TFRC: variants seen among roughly 807,000 people sequenced by gnomAD.
TFRC encodes the protein transferrin receptor.
In TFRC, 35 loss-of-function variants were observed where a neutral mutation model predicts 85.8. That is an observed-to-expected ratio of 0.41 (90% CI 0.31 to 0.54). TFRC has a LOEUF of 0.54. Among genes scored for constraint, TFRC ranks in the 20% least tolerant of loss-of-function variants. The probability of loss-of-function intolerance (pLI) is 0.31; values close to 1 mark genes in which losing one functional copy is unlikely to be tolerated. For synonymous variants in TFRC, 362 were observed against 328.6 expected (o/e 1.10, Z -1.10); for missense variants, 828 against 921.5 (o/e 0.90, Z 1.31).
Position 196,055,085 on chromosome 3 carries a change from T to C in TFRC, c.1894A>G (p.Ile632Val). The change falls in exon 17 of 19, where the codon ATA (isoleucine) becomes GTA (valine). Residue 632 changes from isoleucine to valine, a missense_variant. Transcript: ENST00000360110. ...TAATTGGAATCAGTGCTCACCTTTA[T>C]GTCTGCTCTGTATTGGTTCAGATCC... ...VRDLNQYRAD[I>V]KEMGLSLQWL... 1.2e-6 allele frequency: 2 copies of C among 1,614,054 alleles called. No homozygotes were observed. The highest frequency in any genetic ancestry group is 1.7e-6 in the Non-Finnish European group (2 of 1,179,980).
At position 196,051,728 on chromosome 3, in the gene TFRC, T is replaced by C. The variant is rs1332890276; in HGVS notation, c.*214A>G. The C allele has an allele frequency of 9.1e-6, 5 of 547,692 alleles. No individual in the cohort carries two copies. The highest frequency in any genetic ancestry group is 7.7e-5 in the South Asian group (3 of 39,172). 33.9% of individuals were successfully genotyped at this position (547,692 alleles called of 1,614,324 possible). ...CTAGAGATAGGGGAATATTCCATCATGGACATTTTTTAAGTGGTTATTCAC... is the reference window on the plus strand; with the variant it reads ...CTAGAGATAGGGGAATATTCCATCACGGACATTTTTTAAGTGGTTATTCAC... On this transcript the variant is annotated 3_prime_UTR_variant, in exon 19 of 19. Coordinates refer to ENST00000360110, the MANE Select transcript of TFRC (RefSeq NM_001128148.3).
At position 196,065,260 on chromosome 3, in the gene TFRC, CTCA is replaced by C. The variant is rs1196670006; in HGVS notation, c.1198+180_1198+182del. ...CTGGGCAACAAGAGTGAAACTCTTT[CTCA>C]AAAAAAAAAAAAAGAAACTAACACA... On this transcript the variant is annotated intron_variant, in intron 10 of 18. Transcript: ENST00000360110. Among the ~76,000 whole-genome samples the C allele has an allele frequency of 9.3e-3, 636 of 68,580 alleles. 10 individuals are homozygous for C. The highest frequency in any genetic ancestry group is 0.021 in the African/African-American group (613 of 29,586). 45.0% of individuals were successfully genotyped at this position (68,580 alleles called of 152,430 possible).
At position 196,064,158 on chromosome 3, in the gene TFRC, G is replaced by A. The variant is rs760285477; in HGVS notation, c.1318+151C>T. 60 of 821,174 alleles carry A rather than the reference G, an allele frequency of 7.3e-5. 1 individual carries two copies. In the South Asian group the frequency reaches 1.2e-3, roughly 16 times the overall value. 50.9% of individuals were successfully genotyped at this position (821,174 alleles called of 1,614,324 possible). ...GAAAGCTGTTTCAAAGGAAAAGGCA[G>A]CTACAACAAAAGACAATCTGCCTTG... is the stretch of plus-strand genomic sequence containing the variant. On this transcript the variant is annotated intron_variant, in intron 11 of 18. Coordinates refer to ENST00000360110, the MANE Select transcript of TFRC (RefSeq NM_001128148.3).
intron 13 of TFRC, among the ~76,000 whole-genome samples, chr3:196,061,351 C>G (rs1717264205): frequency 6.6e-6 from 1 of 152,154 alleles, no homozygotes; most frequent in African/African-American, 2.4e-5. Context: ...GGTCCTAAAA[C>G]TTTAGTCCAT....
rs1254977505 is a variant in TFRC, at chr3:196,050,665, GATAAACTGAGCT to G, written c.*1265_*1276del. ...AAATGGGAATTAGAGTTACACCTTG[GATAAACTGAGCT>G]ATAAAATTTTGCAGGAGTACTACCA... On this transcript the variant is annotated 3_prime_UTR_variant, in exon 19 of 19. Transcript: ENST00000360110. 1 of 204,054 alleles carries G rather than the reference GATAAACTGAGCT, an allele frequency of 4.9e-6. No individual in the cohort carries two copies. Among genetic ancestry groups the G allele is most frequent in the Non-Finnish European group, 1.0e-5 (1 of 99,400 alleles). 12.6% of individuals were successfully genotyped at this position (204,054 alleles called of 1,614,324 possible). A position where few individuals can be genotyped will look rare whatever the true frequency, so the allele number is the denominator to read the frequency against.
rs761126811 is a variant in TFRC at position 196,060,216 on chromosome 3, T to G, written c.1500A>C (p.Pro500=). The G allele has an allele frequency of 6.2e-7, 1 of 1,614,108 alleles. No individual in the cohort carries two copies. The highest frequency in any genetic ancestry group is 1.1e-5 in the South Asian group (1 of 91,076). The change falls in exon 14 of 19, where the codon CCA becomes CCC. Residue 500 remains proline, a synonymous_variant. Coordinates refer to ENST00000360110, the MANE Select transcript of TFRC (RefSeq NM_001128148.3). ...TTTTCTCAATAAGCGTATACAACAG[T>G]GGGCTGGCAGAAACCTTGAAGTTGC... is the stretch of plus-strand genomic sequence containing the variant. ...GTSNFKVSAS[P]LLYTLIEKTM...
In TFRC at chr3:196,051,492, T is replaced by G. The variant is rs1051963429; in HGVS notation, c.*450A>C. 4.4e-6 allele frequency: 1 copy of G among 224,760 alleles called. No homozygotes were observed. The highest frequency in any genetic ancestry group is 8.9e-6 in the Non-Finnish European group (1 of 112,666). 13.9% of individuals were successfully genotyped at this position (224,760 alleles called of 1,614,324 possible). On this transcript the variant is annotated 3_prime_UTR_variant, in exon 19 of 19. Transcript: ENST00000360110. ...CCAGCTACATTCCTTATGGAAAGGC[T>G]TAGATCTCATTTGGAGAAGGTCTTT...
At chr3:196,076,290 C>G (rs1468261580) in intron 2 of TFRC, among the ~76,000 whole-genome samples, 4 of 151,938 alleles carry the variant, frequency 2.6e-5, no homozygotes, top group African/African-American at 9.7e-5. Context: ...CTCATACTGT[C>G]TACTCAATGT....
chr3:196,079,880 T>C (rs910416551), intron 1 of TFRC, among the ~76,000 whole-genome samples: 1 of 152,236 alleles, frequency 6.6e-6, no homozygotes, highest in African/African-American at 2.4e-5. Flanking sequence ...TCCTCATTTC[T>C]TCCAGGCTCA....
rs561023277 is a variant in TFRC, at chr3:196,065,429, G to T, written c.1198+14C>A. 110 of 605,256 alleles carry T rather than the reference G, an allele frequency of 1.8e-4. 5 individuals carry two copies. The Middle Eastern group carries it at 2.0e-3, about 11-fold the overall frequency. The allele number at this position is 605,256 out of a possible 1,614,324, so 37.5% of individuals were successfully genotyped here. A position where few individuals can be genotyped will look rare whatever the true frequency, so the allele number is the denominator to read the frequency against. On this transcript the variant is annotated intron_variant, in intron 10 of 18. Coordinates refer to ENST00000360110, the MANE Select transcript of TFRC (RefSeq NM_001128148.3). ...AAAAAAAGCGGGGCGGGGGGGGGGG[G>T]GGGCGGTCTTTACCTGGTTCTACAA...
In TFRC at chr3:196,065,315, G is replaced by C. The variant is rs1293891693; in HGVS notation, c.1198+128C>G. On this transcript the variant is annotated intron_variant, in intron 10 of 18. Coordinates refer to ENST00000360110, the MANE Select transcript of TFRC (RefSeq NM_001128148.3). ...AAACAATTAACTTTAGGACAGACAA[G>C]ATTGAGCACTTCATAAAACCAAGCC... is the stretch of plus-strand genomic sequence containing the variant. 18 of 524,172 alleles carry C rather than the reference G, an allele frequency of 3.4e-5. No individual in the cohort carries two copies. The East Asian group carries it at 6.6e-4, about 19-fold the overall frequency. The allele number at this position is 524,172 out of a possible 1,614,324, so 32.5% of individuals were successfully genotyped here. A position where few individuals can be genotyped will look rare whatever the true frequency, so the allele number is the denominator to read the frequency against.
At chr3:196,066,770 T>C (rs1037805720) in intron 9 of TFRC, among the ~76,000 whole-genome samples, 22 of 152,204 alleles carry the variant, frequency 1.4e-4, no homozygotes, top group African/African-American at 2.4e-4. Context: ...TATATACAGA[T>C]GTTCTTCATT....
rs752694499 is a variant in TFRC, at chr3:196,051,743, T to G, written c.*199A>C. On this transcript the variant is annotated 3_prime_UTR_variant, in exon 19 of 19. Transcript: ENST00000360110. ...TATTCCATCATGGACATTTTTTAAG[T>G]GGTTATTCACTTTAACTTGAAGTAC... 3.5e-6 allele frequency: 2 copies of G among 569,570 alleles called. No homozygotes were observed. The highest frequency in any genetic ancestry group is 6.0e-6 in the Non-Finnish European group (2 of 331,026). The allele number at this position is 569,570 out of a possible 1,614,324, so 35.3% of individuals were successfully genotyped here.
chr3:196,069,310 A>T lies in TFRC; in HGVS notation c.801+145T>A. On this transcript the variant is annotated intron_variant, in intron 7 of 18. Coordinates refer to ENST00000360110, the MANE Select transcript of TFRC (RefSeq NM_001128148.3). ...TAAGTGGAACTTACTTCATTTGTTG[A>T]GCATTTTAATAAATTATATTATCTG... 5.0e-6 allele frequency: 3 copies of T among 595,108 alleles called. No homozygotes were observed. In the South Asian group the frequency reaches 7.2e-5, roughly 14 times the overall value. The allele number at this position is 595,108 out of a possible 1,614,324, so 36.9% of individuals were successfully genotyped here.
At chr3:196,056,986 T>C (rs1052602284) in intron 16 of TFRC, among the ~76,000 whole-genome samples, 1 of 152,172 alleles carries the variant, frequency 6.6e-6, no homozygotes, top group African/African-American at 2.4e-5. Flanking sequence ...TATGTCCGAC[T>C]AATTTTTGTA....
rs1462914265 is a variant in TFRC at position 196,073,914 on chromosome 3, A to G, written c.434+16T>C. ...GAATTACTTGTCTAGATACTTGCAC[A>G]GCAGCTGGCACTCACTTGATGGTGC... On this transcript the variant is annotated intron_variant, in intron 4 of 18. Transcript: ENST00000360110. The G allele has an allele frequency of 6.2e-7, 1 of 1,606,074 alleles. No homozygotes were observed. Among genetic ancestry groups the G allele is most frequent in the Admixed American group, 1.7e-5 (1 of 59,000 alleles).
intron 13 of TFRC, among the ~76,000 whole-genome samples, chr3:196,062,174 T>C (rs1210618884): frequency 6.6e-6 from 1 of 151,240 alleles, no homozygotes; most frequent in Admixed American, 6.6e-5. Flanking sequence ...GCCAAGATTG[T>C]GCCACTGCAC....
intron 16 of TFRC, among the ~76,000 whole-genome samples, chr3:196,056,971 G>A (rs1389463084): frequency 1.3e-5 from 2 of 152,076 alleles, no homozygotes; most frequent in East Asian, 3.9e-4. Flanking sequence ...ACAGGCACAC[G>A]CCACTATGTC....
At chr3:196,072,228 T>G (rs1718275041) in intron 4 of TFRC, 76 bp from the exon 5 acceptor site, 1 of 1,557,154 alleles carries the variant, frequency 6.4e-7, no homozygotes, top group South Asian at 1.2e-5. Flanking sequence ...TTAAACAAAT[T>G]GTTTTGAAAG....
Sources: allele counts gnomAD v4.1 joint callset (sites outside exome capture counted in the v4.1 genomes callset), GRCh38; gene constraint gnomAD v4.1.1; transcripts MANE v1.5; gene names NCBI Gene and HGNC (gene_info 2026-07-23, HGNC 2026-07-21).